Variants in RNASE4 observed in about 807,000 individuals in gnomAD.
The protein encoded by RNASE4 is ribonuclease A family member 4, also known as ribonuclease 4.
For synonymous variants in RNASE4, 93 were observed against 71.4 expected, an observed-to-expected ratio of 1.30 and a Z score of -1.52; for missense variants, 194 against 192.8, an observed-to-expected ratio of 1.01 and a Z score of -0.04.
At chr14:20,697,811 A>G (rs2139035525) in intron 1 of RNASE4, among the ~76,000 whole-genome samples, 1 of 152,296 alleles carries the variant, frequency 6.6e-6, no homozygotes, top group East Asian at 1.9e-4. Flanking sequence ...TGCGTTGCTC[A>G]CTTCCTATTG....
chr14:20,685,605 G>A (rs1410399782), intron 1 of RNASE4, among the ~76,000 whole-genome samples: 1 of 152,164 alleles, frequency 6.6e-6, no homozygotes, highest in African/African-American at 2.4e-5. Flanking sequence ...TTCAATTCAA[G>A]CAATTCTTTT....
At chr14:20,687,116 A>G (rs1886463071) in intron 1 of RNASE4, among the ~76,000 whole-genome samples, 1 of 152,244 alleles carries the variant, frequency 6.6e-6, no homozygotes, top group East Asian at 1.9e-4. Flanking sequence ...ATTACTGACA[A>G]AGATGTGATG....
Position 20,700,378 on chromosome 14 carries a change from C to T in RNASE4, c.*563C>T, listed in dbSNP as rs968652549. ...GGCATTAAAAATTTGGAAATGTATG[C>T]CAGCAAAATGTGAGCTCTGTATTTT... On this transcript the variant is annotated 3_prime_UTR_variant, in exon 2 of 2. Coordinates refer to ENST00000555835, the MANE Select transcript of RNASE4 (RefSeq NM_002937.5). 6.0e-6 allele frequency: 1 copy of T among 167,018 alleles called. No homozygotes were observed. The highest frequency in any genetic ancestry group is 6.5e-5 in the Admixed American group (1 of 15,280). The allele number at this position is 167,018 out of a possible 1,614,324, so 10.3% of individuals were successfully genotyped here. A position where few individuals can be genotyped will look rare whatever the true frequency, so the allele number is the denominator to read the frequency against.
intron 1 of RNASE4, among the ~76,000 whole-genome samples, chr14:20,688,121 G>A (rs1339989022): frequency 1.3e-5 from 2 of 152,176 alleles, no homozygotes; most frequent in South Asian, 2.1e-4. Context: ...AATGTTCAGG[G>A]TTAGTCTCTT....
chr14:20,699,261 C>A, intron 1 of RNASE4, 94 bp from the exon 2 acceptor site: 1 of 1,024,078 alleles, frequency 9.8e-7, no homozygotes, highest in Non-Finnish European at 1.4e-6. Flanking sequence ...AAAGAGGAGA[C>A]TATGGAGTCA....
chr14:20,693,752 G>A (rs1886944592), intron 1 of RNASE4: 2 of 1,614,194 alleles, frequency 1.2e-6, no homozygotes, highest in Non-Finnish European at 1.7e-6. Context: ...ACCTCACCCT[G>A]CAAAGACATC....
intron 1 of RNASE4, among the ~76,000 whole-genome samples, chr14:20,690,279 G>C (rs1349022848): frequency 6.8e-6 from 1 of 146,912 alleles, no homozygotes; most frequent in Non-Finnish European, 1.5e-5. Flanking sequence ...ACAGAGAACA[G>C]CTGGGACTAA....
At chr14:20,690,419 ATCTG>A (rs943563207) in intron 1 of RNASE4, among the ~76,000 whole-genome samples, 5 of 152,056 alleles carry the variant, frequency 3.3e-5, no homozygotes, top group African/African-American at 4.8e-5. Flanking sequence ...ACCACAAACG[ATCTG>A]TCTCTTACTG....
At chr14:20,699,216 A>T (rs1305256644) in intron 1 of RNASE4, 139 bp from the exon 2 acceptor site, 1 of 671,842 alleles carries the variant, frequency 1.5e-6, no homozygotes, top group Non-Finnish European at 2.5e-6. Flanking sequence ...AAAGTAGCAG[A>T]GATGAGTGGG....
At chr14:20,690,334 G>C (rs1471457212) in intron 1 of RNASE4, among the ~76,000 whole-genome samples, 1 of 151,710 alleles carries the variant, frequency 6.6e-6, no homozygotes, top group African/African-American at 2.4e-5. Flanking sequence ...TTTGGGTACA[G>C]AAGGATATAT....
At chr14:20,694,044 C>G in intron 1 of RNASE4, 1 of 1,611,144 alleles carries the variant, frequency 6.2e-7, no homozygotes, top group South Asian at 1.1e-5. Flanking sequence ...GCTCTGCTGT[C>G]CTTGCCTTCC....
chr14:20,693,704 A>C, intron 1 of RNASE4: 1 of 1,614,232 alleles, frequency 6.2e-7, no homozygotes, highest in Non-Finnish European at 8.5e-7. Context: ...GGCCGGGATG[A>C]CAGATACTGT....
At chr14:20,689,426 T>C (rs1886590694) in intron 1 of RNASE4, among the ~76,000 whole-genome samples, 1 of 152,194 alleles carries the variant, frequency 6.6e-6, no homozygotes, top group Non-Finnish European at 1.5e-5. Flanking sequence ...GATTTTGCCC[T>C]AGGATGTATA....
chr14:20,685,896 CG>C (rs1177646013), intron 1 of RNASE4, among the ~76,000 whole-genome samples: 1 of 151,992 alleles, frequency 6.6e-6, no homozygotes, highest in Non-Finnish European at 1.5e-5. Context: ...AAAAATTAGC[CG>C]GGCACGGTGG....
chr14:20,689,742 C>A (rs1886613014), intron 1 of RNASE4, among the ~76,000 whole-genome samples: 1 of 152,028 alleles, frequency 6.6e-6, no homozygotes, highest in Non-Finnish European at 1.5e-5. Context: ...CATGGCGAAA[C>A]CCCGTCTCTA....
Position 20,695,499 on chromosome 14 carries a change from C to T in RNASE4, c.-17-3856C>T, listed in dbSNP as rs370568027. 5.9e-5 allele frequency among the ~76,000 whole-genome samples: 9 copies of T among 152,284 alleles called. No homozygotes were observed. In the South Asian group the frequency reaches 1.7e-3, roughly 28 times the overall value. On this transcript the variant is annotated intron_variant, in intron 1 of 1. Transcript: ENST00000555835. ...AGTTAACATAACTTAGGTTAACACA[C>T]TCTTTGTAAAATACACTGTTCAATC...
intron 1 of RNASE4, among the ~76,000 whole-genome samples, chr14:20,693,293 TACTC>T (rs549574261): frequency 4.4e-4 from 67 of 152,306 alleles, no homozygotes; most frequent in South Asian, 1.4e-3. Flanking sequence ...GATAGAGAAA[TACTC>T]AGTGATTCTA....
chr14:20,693,224 T>C (rs1211230433), intron 1 of RNASE4, among the ~76,000 whole-genome samples: 1 of 152,252 alleles, frequency 6.6e-6, no homozygotes, highest in African/African-American at 2.4e-5. Flanking sequence ...TAATGTTCAT[T>C]ATTCAATTAA....
chr14:20,688,312 C>G (rs572783497), intron 1 of RNASE4, among the ~76,000 whole-genome samples: 2 of 152,080 alleles, frequency 1.3e-5, no homozygotes, highest in Non-Finnish European at 2.9e-5. Context: ...GCTTAGCATC[C>G]GTTCATGAAA....
Sources: gnomAD v4.1 joint callset for allele counts (sites outside exome capture counted in the v4.1 genomes callset) on GRCh38, gnomAD v4.1.1 for gene constraint, MANE v1.5 for transcripts, NCBI Gene and HGNC (gene_info 2026-07-23, HGNC 2026-07-21) for gene names.